The following CENPE variants were observed in gnomAD, a reference collection of about 807,000 sequenced individuals.
CENPE encodes the protein centromere-associated protein E.
In CENPE, 145 loss-of-function variants were observed where a neutral mutation model predicts 336.1. The observed-to-expected ratio is 0.43, with a 90% CI of 0.38 to 0.50. The LOEUF (loss-of-function observed/expected upper bound fraction) is 0.50. Ranked by LOEUF, CENPE falls within the 20% of genes least tolerant of loss-of-function variation. The probability of loss-of-function intolerance (pLI) is 0.00; values close to 1 mark genes in which losing one functional copy is unlikely to be tolerated. For missense variants in CENPE, 2,719 were observed against 3,023.3 expected (o/e 0.90, Z 2.36); for synonymous variants, 1,013 against 984.8 (o/e 1.03, Z -0.54).
At position 103,145,968 on chromosome 4, in the gene CENPE, C is replaced by T. The variant is rs113334734; in HGVS notation, c.4274G>A (p.Gly1425Glu). Reference sequence around the variant, plus strand: ...ACTTTCTTGAAGTCTTTTGGACAATCCGAGCATTTCTATTTCTATCCTTAG... The same window carrying T: ...ACTTTCTTGAAGTCTTTTGGACAATTCGAGCATTTCTATTTCTATCCTTAG... ...ALLRIEIEML[G>E]LSKRLQESHD... The change falls in exon 30 of 49, where the codon GGA (glycine) becomes GAA (glutamate). Residue 1425 changes from glycine to glutamate, a missense_variant. This residue lies in a region of CENPE where 2,437 missense variants were observed against 2,513.3 expected (regional missense o/e 0.97). Transcript: ENST00000265148. 108 of 1,613,936 alleles carry T rather than the reference C, an allele frequency of 6.7e-5. No individual in the cohort carries two copies. The African/African-American group carries it at 1.1e-3, about 16-fold the overall frequency.
chr4:103,188,551 A>G (rs1474557594), intron 8 of CENPE, among the ~76,000 whole-genome samples: 3 of 152,354 alleles, frequency 2.0e-5, no homozygotes, highest in African/African-American at 4.8e-5. Context: ...TACTGGGTAC[A>G]TAACAAAATG....
intron 18 of CENPE, among the ~76,000 whole-genome samples, 163 bp downstream of exon 18, chr4:103,162,970 TACTA>T (rs1754579052): frequency 6.6e-6 from 1 of 152,230 alleles, no homozygotes; most frequent in Admixed American, 6.5e-5. Context: ...ATGGCAAATA[TACTA>T]ACAGTCCCTA....
At chr4:103,115,509 T>G (rs1384421711) in intron 45 of CENPE, among the ~76,000 whole-genome samples, 1 of 152,146 alleles carries the variant, frequency 6.6e-6, no homozygotes, top group African/African-American at 2.4e-5. Flanking sequence ...CTGAAACCAA[T>G]AGACTGCTTA....
chr4:103,125,068 ACTT>A (rs1197874656), intron 42 of CENPE, among the ~76,000 whole-genome samples: 1 of 152,170 alleles, frequency 6.6e-6, no homozygotes, highest in African/African-American at 2.4e-5. Context: ...CTGATTGTGG[ACTT>A]CTTTGTTTTT....
chr4:103,113,643 CACTTATACTATATAT>C (rs1211880884), intron 46 of CENPE, among the ~76,000 whole-genome samples: 1 of 143,162 alleles, frequency 7.0e-6, no homozygotes, highest in Non-Finnish European at 1.5e-5. Context: ...ATATATTATA[CACTTATACTATATAT>C]ACTTATATAT....
intron 8 of CENPE, among the ~76,000 whole-genome samples, chr4:103,187,040 G>A (rs1756837566): frequency 6.6e-6 from 1 of 152,160 alleles, no homozygotes; most frequent in Admixed American, 6.6e-5. Context: ...CTTTTTAAGT[G>A]AGATCTAAAA....
rs949578937 is a variant in CENPE at position 103,191,039 on chromosome 4, C to T, written c.693+3190G>A. Among the ~76,000 whole-genome samples the T allele has an allele frequency of 2.7e-4, 41 of 151,506 alleles. 1 individual carries two copies. The highest frequency in any genetic ancestry group is 6.8e-4 in the African/African-American group (28 of 41,372). ...GACATTTATGCAGCCAAAAGACACA[C>T]GAAAAAATGCTCATCATCACTGGCC... On this transcript the variant is annotated intron_variant, in intron 8 of 48. Coordinates refer to ENST00000265148, the MANE Select transcript of CENPE (RefSeq NM_001813.3).
chr4:103,106,835 T>C (rs748138312), intron 48 of CENPE, among the ~76,000 whole-genome samples: 2 of 152,156 alleles, frequency 1.3e-5, no homozygotes, highest in Non-Finnish European at 2.9e-5. Flanking sequence ...GTAATTTAGA[T>C]TACCTTTTAT....
Position 103,145,851 on chromosome 4 carries a change from T to C in CENPE, c.4391A>G (p.Asn1464Ser). Residue 1464 changes from asparagine to serine, a missense_variant, in exon 30 of 49, where the codon AAC (asparagine) becomes AGC (serine). By Grantham distance (46) the Asn-to-Ser change is conservative (BLOSUM62 1). Transcript: ENST00000265148. Reference sequence around the variant, plus strand: ...TACTTTAGCTACAATTTCTTTTATGTTTTCTTTGAGCTGGTCACTTTCAGA... The same window carrying C: ...TACTTTAGCTACAATTTCTTTTATGCTTTCTTTGAGCTGGTCACTTTCAGA... ...LQSESDQLKE[N>S]IKEIVAKHLE... is the part of the protein sequence containing the mutation. The C allele has an allele frequency of 1.3e-6, 2 of 1,596,520 alleles. No homozygotes were observed. The highest frequency in any genetic ancestry group is 8.5e-7 in the Non-Finnish European group (1 of 1,175,042).
intron 1 of CENPE, among the ~76,000 whole-genome samples, chr4:103,197,282 T>G (rs1167577796): frequency 6.6e-6 from 1 of 152,172 alleles, no homozygotes; most frequent in African/African-American, 2.4e-5. Context: ...AGATGTAACC[T>G]CTCTGTGCCT....
intron 28 of CENPE, 60 bp downstream of exon 28, chr4:103,148,784 T>C: frequency 6.7e-7 from 1 of 1,488,496 alleles, no homozygotes; most frequent in South Asian, 1.2e-5. Context: ...CTGCTTATCT[T>C]TCCTTCAAAG....
chr4:103,159,467 C>A (rs536989116), intron 21 of CENPE, 143 bp from the exon 22 acceptor site: 1 of 462,580 alleles, frequency 2.2e-6, no homozygotes, highest in Admixed American at 4.2e-5. Flanking sequence ...TATAGTAGTA[C>A]TCTTATTGTC....
At chr4:103,114,661 C>A (rs1446905997) in intron 45 of CENPE, 109 bp from the exon 46 acceptor site, 9 of 677,344 alleles carry the variant, frequency 1.3e-5, no homozygotes, top group Admixed American at 7.2e-5. Flanking sequence ...GACATAATGC[C>A]TGTAAGTGGC....
chr4:103,190,769 C>T (rs898257873), intron 8 of CENPE, among the ~76,000 whole-genome samples: 10 of 152,108 alleles, frequency 6.6e-5, no homozygotes, highest in African/African-American at 2.4e-4. Context: ...AAAGCAATGA[C>T]AACAAAAGCC....
intron 39 of CENPE, among the ~76,000 whole-genome samples, chr4:103,137,011 C>A (rs1047665018): frequency 1.3e-5 from 2 of 152,058 alleles, no homozygotes; most frequent in African/African-American, 2.4e-5. Flanking sequence ...TACCTATATA[C>A]CTATGTAATC....
chr4:103,130,231 CTT>C (rs1393161055), intron 42 of CENPE, among the ~76,000 whole-genome samples: 1 of 152,126 alleles, frequency 6.6e-6, no homozygotes, highest in Non-Finnish European at 1.5e-5. Flanking sequence ...ACAAAACTCT[CTT>C]TGTTTACACA....
chr4:103,177,215 T>C (rs746990555), intron 13 of CENPE, among the ~76,000 whole-genome samples, 169 bp from the exon 14 acceptor site: 10 of 152,118 alleles, frequency 6.6e-5, no homozygotes, highest in Admixed American at 1.3e-4. Context: ...AATCAAACTC[T>C]TGACTCTTTA....
At position 103,153,237 on chromosome 4, in the gene CENPE, T is replaced by G. The variant is rs745478241; in HGVS notation, c.3047A>C (p.Asp1016Ala). ...TTTAGCTTCCAAATCCTGTTTTTTA[T>G]CTATGCCAACCATCTAAAACATAAA... ...DEFQQKMVGI[D>A]KKQDLEAKNT... The change falls in exon 25 of 49, where the codon GAT (aspartate) becomes GCT (alanine). Residue 1016 changes from aspartate (D) to alanine (A), a missense_variant. Asp to Ala is a moderately radical substitution (Grantham distance 126). This residue lies in a region of CENPE where 2,437 missense variants were observed against 2,513.3 expected (regional missense o/e 0.97). Coordinates refer to ENST00000265148, the MANE Select transcript of CENPE (RefSeq NM_001813.3). 80 of 1,609,752 alleles carry G rather than the reference T, an allele frequency of 5.0e-5. No homozygotes were observed. Among genetic ancestry groups the G allele is most frequent in the Non-Finnish European group, 6.6e-5 (78 of 1,177,732 alleles).
chr4:103,172,154 A>T (rs1342835168), intron 16 of CENPE, among the ~76,000 whole-genome samples: 5 of 151,890 alleles, frequency 3.3e-5, no homozygotes, highest in Non-Finnish European at 7.4e-5. Context: ...AATAGACAAA[A>T]AAGGAAAACT....
Sources: gnomAD v4.1 joint callset for allele counts (sites outside exome capture counted in the v4.1 genomes callset) on GRCh38, gnomAD v4.1.1 for gene constraint, gnomAD v4.1.1 regional missense constraint, MANE v1.5 for transcripts, NCBI Gene and HGNC (gene_info 2026-07-23, HGNC 2026-07-21) for gene names.